The following RAD9B variants were observed in gnomAD, a reference collection of about 807,000 sequenced individuals.
The protein encoded by RAD9B is cell cycle checkpoint control protein RAD9B.
A neutral mutation model predicts 48.3 loss-of-function variants in RAD9B; 41 were observed. The observed-to-expected ratio is 0.85, with a 90% CI of 0.66 to 1.10. RAD9B has a LOEUF of 1.10. Among genes scored for constraint, RAD9B ranks in the 50% least tolerant of loss-of-function variants. RAD9B has a pLI of 0.00. For synonymous variants in RAD9B, 160 were observed against 157.9 expected, an observed-to-expected ratio of 1.01 and a Z score of -0.10; for missense variants, 444 against 485.1, an observed-to-expected ratio of 0.92 and a Z score of 0.80.
intron 4 of RAD9B, among the ~76,000 whole-genome samples, chr12:110,509,649 A>C (rs2063403221): frequency 1.3e-5 from 2 of 152,334 alleles, no homozygotes; most frequent in South Asian, 4.1e-4. Flanking sequence ...CTTATAAGAA[A>C]AAAGGAAGAA....
At chr12:110,502,521 C>G (rs192184864) in intron 1 of RAD9B, 138 bp downstream of exon 1, 1 of 920,416 alleles carries the variant, frequency 1.1e-6, no homozygotes, top group African/African-American at 1.7e-5. Context: ...ACAGCCCCAC[C>G]CACTCAAGTC....
At chr12:110,520,737 A>G (rs1394820284) in intron 9 of RAD9B, among the ~76,000 whole-genome samples, 1 of 138,004 alleles carries the variant, frequency 7.2e-6, no homozygotes, top group African/African-American at 2.8e-5. Context: ...TAAAACCTCC[A>G]CCCCCTGGGT....
chr12:110,508,518 A>C (rs1234208425), intron 4 of RAD9B, among the ~76,000 whole-genome samples: 1 of 152,258 alleles, frequency 6.6e-6, no homozygotes, highest in Non-Finnish European at 1.5e-5. Flanking sequence ...TTAGGTTACA[A>C]GTAACAAATA....
rs2064179408 is a variant in RAD9B at position 110,533,135 on chromosome 12, C to G, written c.*2482C>G. 6.6e-6 allele frequency: 1 copy of G among 152,120 alleles called. No individual in the cohort carries two copies. The highest frequency in any genetic ancestry group is 2.4e-5 in the African/African-American group (1 of 41,410). The allele number at this position is 152,120 out of a possible 1,614,324, so 9.4% of individuals were successfully genotyped here. A position where few individuals can be genotyped will look rare whatever the true frequency, so the allele number is the denominator to read the frequency against. On this transcript the variant is annotated 3_prime_UTR_variant, in exon 11 of 11. Coordinates refer to ENST00000409300, the MANE Select transcript of RAD9B (RefSeq NM_001286535.2). ...TTAAAGTAGCAGCATATAATCAGTG[C>G]TAGAATGACTAGGAGGCTTGGAAAT...
intron 9 of RAD9B, among the ~76,000 whole-genome samples, chr12:110,521,197 C>T (rs1347080954): frequency 2.6e-5 from 4 of 152,170 alleles, no homozygotes; most frequent in Non-Finnish European, 5.9e-5. Flanking sequence ...CACTCTGTCA[C>T]CCAGGCTGGA....
intron 6 of RAD9B, among the ~76,000 whole-genome samples, chr12:110,516,539 C>T (rs540024688): frequency 2.9e-4 from 44 of 152,066 alleles, no homozygotes; most frequent in African/African-American, 8.9e-4. Flanking sequence ...TGGCCGGGTG[C>T]GGTGGCTCAC....
chr12:110,509,713 C>T (rs2063404896), intron 4 of RAD9B, among the ~76,000 whole-genome samples: 1 of 152,156 alleles, frequency 6.6e-6, no homozygotes, highest in South Asian at 2.1e-4. Context: ...CACTTCTCAG[C>T]TTGCACATCC....
chr12:110,505,408 A>G (rs536569848), intron 2 of RAD9B, among the ~76,000 whole-genome samples: 2 of 152,236 alleles, frequency 1.3e-5, no homozygotes, highest in South Asian at 4.1e-4. Context: ...TTTCTGAATC[A>G]AGCTATTATG....
chr12:110,509,580 G>A (rs2063399844), intron 4 of RAD9B, among the ~76,000 whole-genome samples: 1 of 152,168 alleles, frequency 6.6e-6, no homozygotes, highest in Non-Finnish European at 1.5e-5. Context: ...AGCCTGGGAT[G>A]GCAGTCTAAG....
chr12:110,528,242 G>A (rs938235408), intron 10 of RAD9B, among the ~76,000 whole-genome samples: 2 of 151,572 alleles, frequency 1.3e-5, no homozygotes, highest in South Asian at 2.1e-4. Context: ...ACTTAGATGA[G>A]AAGTGGAGAG....
At chr12:110,528,820 C>T (rs924254312) in intron 10 of RAD9B, among the ~76,000 whole-genome samples, 14 of 152,170 alleles carry the variant, frequency 9.2e-5, no homozygotes, top group Non-Finnish European at 1.3e-4. Context: ...CTCCACCTCC[C>T]GGGTTCAAGT....
chr12:110,518,204 A>G (rs559958680), intron 6 of RAD9B, among the ~76,000 whole-genome samples: 2 of 148,420 alleles, frequency 1.3e-5, no homozygotes, highest in Non-Finnish European at 1.5e-5. Context: ...AGAAAAAAAA[A>G]AAAAGTTAAA....
rs143081796 is a variant in RAD9B at position 110,510,630 on chromosome 12, C to T, written c.389-2149C>T. On this transcript the variant is annotated intron_variant, in intron 4 of 10. Coordinates refer to ENST00000409300, the MANE Select transcript of RAD9B (RefSeq NM_001286535.2). ...CCCCAGACATGAAAGTGAGGCCATCCTAGCTACCCCACAGGGATATTGTGA... is the reference window on the plus strand; with the variant it reads ...CCCCAGACATGAAAGTGAGGCCATCTTAGCTACCCCACAGGGATATTGTGA... Among the ~76,000 whole-genome samples the T allele has an allele frequency of 5.9e-5, 9 of 152,240 alleles. No individual in the cohort carries two copies. The East Asian group carries it at 1.2e-3, about 20-fold the overall frequency.
chr12:110,527,073 A>G (rs963137512), intron 10 of RAD9B, among the ~76,000 whole-genome samples: 5 of 152,154 alleles, frequency 3.3e-5, no homozygotes, highest in Admixed American at 2.6e-4. Flanking sequence ...TTGGGTCTCA[A>G]TGGGCTAAAA....
At position 110,522,234 on chromosome 12, in the gene RAD9B, T is replaced by C; in HGVS notation, c.948T>C (p.Cys316=). The change falls in exon 10 of 11, where the codon TGT becomes TGC. Residue 316 remains cysteine (C), a synonymous_variant. Coordinates refer to ENST00000409300, the MANE Select transcript of RAD9B (RefSeq NM_001286535.2). ...ATGTAACTGGCCAGGCCCTGGAATGTATTTCAAAAAAAGCAGCACCAAGAA... is the reference window on the plus strand; with the variant it reads ...ATGTAACTGGCCAGGCCCTGGAATGCATTTCAAAAAAAGCAGCACCAAGAA... ...GKNVTGQALE[C]ISKKAAPRRL... 1 of 1,609,088 alleles carries C rather than the reference T, an allele frequency of 6.2e-7. No individual in the cohort carries two copies. Among genetic ancestry groups the C allele is most frequent in the East Asian group, 2.2e-5 (1 of 44,778 alleles).
At chr12:110,504,927 G>T (rs2063216698) in intron 2 of RAD9B, among the ~76,000 whole-genome samples, 1 of 151,962 alleles carries the variant, frequency 6.6e-6, no homozygotes, top group Non-Finnish European at 1.5e-5. Flanking sequence ...ATTGGTTGAG[G>T]CCAGGGGTTT....
At chr12:110,515,617 C>T (rs2063582873) in intron 6 of RAD9B, among the ~76,000 whole-genome samples, 1 of 152,178 alleles carries the variant, frequency 6.6e-6, no homozygotes, top group African/African-American at 2.4e-5. Flanking sequence ...GCCAAGATTG[C>T]ACCATTGCAC....
At chr12:110,509,571 G>C (rs11065654) in intron 4 of RAD9B, among the ~76,000 whole-genome samples, 1 of 152,188 alleles carries the variant, frequency 6.6e-6, no homozygotes, top group Non-Finnish European at 1.5e-5. Context: ...ACCATGCCCA[G>C]CCTGGGATGG....
chr12:110,530,579 C>T lies in RAD9B; in HGVS notation c.1180C>T (p.His394Tyr), dbSNP rs372125368. 39 of 1,613,888 alleles carry T rather than the reference C, an allele frequency of 2.4e-5. No individual in the cohort carries two copies. The highest frequency in any genetic ancestry group is 3.3e-5 in the Non-Finnish European group (39 of 1,179,876). ...VSSDQQEHFN[H>Y]PFDSLARASD... ...TTCTGACCAGCAAGAACACTTCAAC[C>T]ACCCTTTCGACAGTCTGGCAAGAGC... The change falls in exon 11 of 11, where the codon CAC becomes TAC. Residue 394 changes from histidine to tyrosine, a missense_variant. Transcript: ENST00000409300.
Sources: gnomAD v4.1 joint callset for allele counts (sites outside exome capture counted in the v4.1 genomes callset) on GRCh38, gnomAD v4.1.1 for gene constraint, MANE v1.5 for transcripts, NCBI Gene and HGNC (gene_info 2026-07-23, HGNC 2026-07-21) for gene names.